The following DYNC2H1 variants were observed in gnomAD, a reference collection of about 807,000 sequenced individuals.
DYNC2H1 encodes the protein dynein cytoplasmic 2 heavy chain 1.
DYNC2H1 carries 410 observed loss-of-function variants against 570.0 expected under a neutral mutation model. The observed-to-expected ratio is 0.72, with a 90% CI of 0.66 to 0.78. DYNC2H1 has a LOEUF of 0.78. DYNC2H1 is among the 30% of genes least tolerant of loss of function. DYNC2H1 has a pLI of 0.00. For synonymous variants in DYNC2H1, 1,688 were observed against 1,677.6 expected (o/e 1.01, Z -0.15); for missense variants, 4,865 against 5,046.4 (o/e 0.96, Z 1.09).
At chr11:103,131,181 C>A (rs1859247162) in intron 13 of DYNC2H1, among the ~76,000 whole-genome samples, 2 of 152,154 alleles carry the variant, frequency 1.3e-5, no homozygotes, top group African/African-American at 4.8e-5. Flanking sequence ...TCCCTATATA[C>A]ATTGAAACCA....
intron 35 of DYNC2H1, 106 bp downstream of exon 35, chr11:103,173,411 T>C: frequency 1.3e-6 from 1 of 768,048 alleles, no homozygotes; most frequent in Non-Finnish European, 1.9e-6. Context: ...TTGCATGATT[T>C]TTATTCTGAT....
chr11:103,451,849 C>G (rs916895065), intron 85 of DYNC2H1, among the ~76,000 whole-genome samples: 14 of 152,138 alleles, frequency 9.2e-5, no homozygotes, highest in African/African-American at 3.1e-4. Context: ...AAACAATTTG[C>G]CACTTTGTTA....
chr11:103,412,721 T>TAATC (rs1475631799), intron 84 of DYNC2H1, among the ~76,000 whole-genome samples: 1 of 152,196 alleles, frequency 6.6e-6, no homozygotes, highest in Admixed American at 6.5e-5. Context: ...CAAAACTGTT[T>TAATC]AATCATTTTG....
Position 103,228,456 on chromosome 11 carries a change from G to C in DYNC2H1, c.9354-2804G>C, listed in dbSNP as rs539378878. Among the ~76,000 whole-genome samples the C allele has an allele frequency of 2.6e-5, 4 of 152,052 alleles. No homozygotes were observed. The highest frequency in any genetic ancestry group is 9.7e-5 in the African/African-American group (4 of 41,396). ...TCTGAACTGTAGTGATTGTTTTTGC[G>C]CTTCTGGGTCTAGCTACCCAGCAGA... On this transcript the variant is annotated intron_variant, in intron 59 of 88. Coordinates refer to ENST00000375735, the MANE Select transcript of DYNC2H1 (RefSeq NM_001377.3). The surrounding 1 kb of genome is among the most constrained non-coding windows in gnomAD (Gnocchi z 6.1).
At position 103,222,092 on chromosome 11, in the gene DYNC2H1, A is replaced by G; in HGVS notation, c.9170A>G (p.Lys3057Arg). ...ACCTTTGATGCCCGAAATATTTCAAAGGAAATAAGAGAGAGTGTTGAAGAA... is the reference window on the plus strand; with the variant it reads ...ACCTTTGATGCCCGAAATATTTCAAGGGAAATAAGAGAGAGTGTTGAAGAA... ...IATFDARNIS[K>R]EIRESVEELL... The change falls in exon 58 of 89, where the codon AAG (lysine) becomes AGG (arginine). Residue 3057 changes from lysine (K) to arginine (R), a missense_variant. Physicochemically the swap from Lys to Arg is conservative, Grantham distance 26 (BLOSUM62 2). Transcript: ENST00000375735. 1 of 1,607,406 alleles carries G rather than the reference A, an allele frequency of 6.2e-7. No individual in the cohort carries two copies. Among genetic ancestry groups the G allele is most frequent in the Non-Finnish European group, 8.5e-7 (1 of 1,175,690 alleles).
intron 76 of DYNC2H1, among the ~76,000 whole-genome samples, chr11:103,303,958 A>G (rs1434842085): frequency 6.6e-6 from 1 of 152,036 alleles, no homozygotes; most frequent in African/African-American, 2.4e-5. Context: ...AATCCAGAAA[A>G]TCTTGAGTAA....
In DYNC2H1 at chr11:103,201,826, A is replaced by T. The variant is rs1365231517; in HGVS notation, c.8197+1672A>T. 6.6e-6 allele frequency among the ~76,000 whole-genome samples: 1 copy of T among 152,066 alleles called. No homozygotes were observed. Among genetic ancestry groups the T allele is most frequent in the Non-Finnish European group, 1.5e-5 (1 of 68,010 alleles). On this transcript the variant is annotated intron_variant, in intron 50 of 88. Transcript: ENST00000375735. This position sits in a 1 kb window ranked among gnomAD's most constrained non-coding sequence, Gnocchi z 4.8. ...TGAGTAATCACTGTTAGTGATTGGG[A>T]GGAAGTAGCTTAGTTTTAAACTTGG...
chr11:103,458,747 A>T (rs1944886499), intron 87 of DYNC2H1, among the ~76,000 whole-genome samples: 1 of 152,150 alleles, frequency 6.6e-6, no homozygotes, highest in Non-Finnish European at 1.5e-5. Flanking sequence ...TCTGTGATGG[A>T]AACTTTTTCC....
At position 103,311,991 on chromosome 11, in the gene DYNC2H1, G is replaced by T. The variant is rs775002108; in HGVS notation, c.11607G>T (p.Trp3869Cys). 3 of 1,612,734 alleles carry T rather than the reference G, an allele frequency of 1.9e-6. No homozygotes were observed. In the South Asian group the frequency reaches 3.3e-5, roughly 18 times the overall value. ...HRAHALFSLA[W>C]FHAACQERRN... is the part of the protein sequence containing the mutation. ...CTCATGCTCTCTTCAGTCTTGCATGGTTTCATGCTGCATGTCAAGAAAGAA... is the reference window on the plus strand; with the variant it reads ...CTCATGCTCTCTTCAGTCTTGCATGTTTTCATGCTGCATGTCAAGAAAGAA... Residue 3869 changes from tryptophan to cysteine, a missense_variant, in exon 79 of 89, where the codon TGG becomes TGT. Transcript: ENST00000375735.
intron 70 of DYNC2H1, among the ~76,000 whole-genome samples, chr11:103,279,238 T>C (rs1037045780): frequency 6.6e-6 from 1 of 152,198 alleles, no homozygotes; most frequent in East Asian, 1.9e-4. Flanking sequence ...ATAATTTTAT[T>C]TACTCAATTT....
chr11:103,399,764 A>G lies in DYNC2H1; in HGVS notation c.12258A>G (p.Leu4086=). The G allele has an allele frequency of 1.9e-6, 3 of 1,613,944 alleles. No individual in the cohort carries two copies. The highest frequency in any genetic ancestry group is 2.5e-6 in the Non-Finnish European group (3 of 1,179,858). The change falls in exon 84 of 89, where the codon TTA becomes TTG. Residue 4086 remains leucine (L), a synonymous_variant. Transcript: ENST00000375735. ...TTGAACAATTTAATGCTATTCGTTTAGTACAAAGTGTCCACCAGTCTCTTG... is the reference window on the plus strand; with the variant it reads ...TTGAACAATTTAATGCTATTCGTTTGGTACAAAGTGTCCACCAGTCTCTTG... ...IILEQFNAIR[L]VQSVHQSLAA... is the part of the protein sequence containing the mutation.
chr11:103,126,474 C>A (rs1239211330), intron 12 of DYNC2H1, among the ~76,000 whole-genome samples: 2 of 152,068 alleles, frequency 1.3e-5, no homozygotes, highest in East Asian at 1.9e-4. Flanking sequence ...AAATATCAGG[C>A]CTTGTGGTAG....
chr11:103,223,606 G>C (rs187216256), intron 59 of DYNC2H1, among the ~76,000 whole-genome samples: 1 of 145,322 alleles, frequency 6.9e-6, no homozygotes, highest in Admixed American at 6.9e-5. Context: ...GGCTGGTCTT[G>C]AACTCCTGAC....
At chr11:103,406,518 T>A (rs1942869798) in intron 84 of DYNC2H1, 1 of 151,892 alleles carries the variant, frequency 6.6e-6, no homozygotes. Context: ...ATAGAATTAG[T>A]GGGATTATAG....
intron 26 of DYNC2H1, among the ~76,000 whole-genome samples, chr11:103,156,974 T>C (rs1473388843): frequency 6.6e-6 from 1 of 152,200 alleles, no homozygotes; most frequent in Admixed American, 6.5e-5. Context: ...GTCTCTGTTA[T>C]TACCACTCTA....
At chr11:103,193,546 C>CTT (rs899290827) in intron 47 of DYNC2H1, among the ~76,000 whole-genome samples, 1 of 147,078 alleles carries the variant, frequency 6.8e-6, no homozygotes. Context: ...TTTTCTTTTT[C>CTT]TTTTTTTTTT....
intron 83 of DYNC2H1, among the ~76,000 whole-genome samples, chr11:103,365,181 G>C (rs1460987078): frequency 6.6e-6 from 1 of 152,022 alleles, no homozygotes; most frequent in Non-Finnish European, 1.5e-5. Context: ...GACAAACATG[G>C]AGAAACCCTG....
rs1565377960 is a variant in DYNC2H1, at chr11:103,186,488, G to A, written c.6880G>A (p.Gly2294Arg). 6.2e-7 allele frequency: 1 copy of A among 1,610,610 alleles called. No homozygotes were observed. The highest frequency in any genetic ancestry group is 8.5e-7 in the Non-Finnish European group (1 of 1,178,824). The change falls in exon 42 of 89, where the codon GGA becomes AGA. Residue 2294 changes from glycine to arginine, a missense_variant. Physicochemically the swap from Gly to Arg is moderately radical, Grantham distance 125. This residue lies in a region of DYNC2H1 where 2,401 missense variants were observed against 2,454.6 expected (regional missense o/e 0.98). Coordinates refer to ENST00000375735, the MANE Select transcript of DYNC2H1 (RefSeq NM_001377.3). The surrounding 1 kb of genome is among the most constrained non-coding windows in gnomAD (Gnocchi z 4.5). ...KQPFILVGPEGCGKGMLLRYA... is the reference protein window; with the variant it reads ...KQPFILVGPERCGKGMLLRYA... The stretch of plus-strand genomic sequence containing the variant: ...GCCCTTTATTCTGGTAGGACCAGAA[G>A]GATGTGGCAAAGGGTAAGAAAAATA...
chr11:103,144,230 T>G (rs1439884862), intron 18 of DYNC2H1, among the ~76,000 whole-genome samples: 1 of 152,212 alleles, frequency 6.6e-6, no homozygotes, highest in African/African-American at 2.4e-5. Context: ...ATTGTGAACC[T>G]AAATTTCTTT....
Sources: allele counts gnomAD v4.1 joint callset (sites outside exome capture counted in the v4.1 genomes callset), GRCh38; gene constraint gnomAD v4.1.1; regional missense constraint gnomAD v4.1.1; non-coding constraint Gnocchi (gnomAD v3.1); transcripts MANE v1.5; gene names NCBI Gene and HGNC (gene_info 2026-07-23, HGNC 2026-07-21).